PDGFC: variants seen among roughly 807,000 people sequenced by gnomAD.
PDGFC encodes platelet-derived growth factor C.
In PDGFC, 12 loss-of-function variants were observed where a neutral mutation model predicts 35.5. That is an observed-to-expected ratio of 0.34 (90% CI 0.22 to 0.55). The LOEUF is 0.55. Among genes scored for constraint, PDGFC ranks in the 20% least tolerant of loss-of-function variants. The pLI is 0.91. For missense variants in PDGFC, 322 were observed against 412.4 expected (o/e 0.78, Z 1.90); for synonymous variants, 159 against 148.8 (o/e 1.07, Z -0.50).
chr4:156,916,712 C>G (rs1328224166), intron 1 of PDGFC, among the ~76,000 whole-genome samples: 1 of 152,220 alleles, frequency 6.6e-6, no homozygotes, highest in Non-Finnish European at 1.5e-5. Flanking sequence ...AACACCTATA[C>G]TGTCAATTAA....
chr4:156,797,725 C>T (rs868078275), intron 3 of PDGFC, among the ~76,000 whole-genome samples: 24 of 152,208 alleles, frequency 1.6e-4, no homozygotes, highest in African/African-American at 4.8e-4. Flanking sequence ...ATGGGGCCCG[C>T]GAGCCATGGG....
At chr4:156,766,159 A>G (rs957731034) in intron 5 of PDGFC, among the ~76,000 whole-genome samples, 2 of 152,164 alleles carry the variant, frequency 1.3e-5, no homozygotes, top group Middle Eastern at 3.2e-3. Flanking sequence ...TTGAAATAGT[A>G]AAAGTTCTCT....
chr4:156,940,117 A>C (rs889655111), intron 1 of PDGFC, among the ~76,000 whole-genome samples: 2 of 152,160 alleles, frequency 1.3e-5, no homozygotes, highest in African/African-American at 4.8e-5. Flanking sequence ...ATATTTAAAG[A>C]ATCAAACTAC....
chr4:156,959,726 T>G (rs978947856), intron 1 of PDGFC, among the ~76,000 whole-genome samples: 2 of 152,036 alleles, frequency 1.3e-5, no homozygotes, highest in Non-Finnish European at 2.9e-5. Flanking sequence ...TCCAGAAGAT[T>G]TGCACCTCTG....
intron 3 of PDGFC, among the ~76,000 whole-genome samples, chr4:156,806,418 T>C (rs1731773367): frequency 6.6e-6 from 1 of 152,028 alleles, no homozygotes; most frequent in Admixed American, 6.6e-5. Context: ...TCAGAAACCT[T>C]AGACTAAGAG....
intron 1 of PDGFC, among the ~76,000 whole-genome samples, chr4:156,930,293 G>A (rs550419334): frequency 5.9e-5 from 9 of 152,332 alleles, no homozygotes; most frequent in African/African-American, 2.2e-4. Flanking sequence ...AGTGGGAAGA[G>A]CATGTGCAAA....
At chr4:156,885,385 T>A (rs779585610) in intron 1 of PDGFC, among the ~76,000 whole-genome samples, 1 of 152,194 alleles carries the variant, frequency 6.6e-6, no homozygotes, top group Non-Finnish European at 1.5e-5. Flanking sequence ...CACTGATCAA[T>A]GAAAATGAAA....
intron 3 of PDGFC, among the ~76,000 whole-genome samples, chr4:156,786,796 G>A (rs1731139442): frequency 6.6e-6 from 1 of 152,184 alleles, no homozygotes; most frequent in African/African-American, 2.4e-5. Context: ...AGGCAATCCT[G>A]TGTTTTCATT....
chr4:156,763,270 A>G, intron 5 of PDGFC, 64 bp from the exon 6 acceptor site: 1 of 809,150 alleles, frequency 1.2e-6, no homozygotes, highest in Admixed American at 1.7e-5. Context: ...GGCTTTTATA[A>G]ACAAGTAACG....
chr4:156,859,389 G>A (rs1729656064), intron 1 of PDGFC, among the ~76,000 whole-genome samples: 1 of 152,034 alleles, frequency 6.6e-6, no homozygotes, highest in African/African-American at 2.4e-5. Flanking sequence ...TACAAATCAT[G>A]TCCTTCTATC....
At chr4:156,781,977 A>G (rs1342424149) in intron 3 of PDGFC, among the ~76,000 whole-genome samples, 1 of 152,166 alleles carries the variant, frequency 6.6e-6, no homozygotes, top group Non-Finnish European at 1.5e-5. Flanking sequence ...CTCATGATTG[A>G]TGTTGGTCTG....
intron 1 of PDGFC, among the ~76,000 whole-genome samples, chr4:156,851,809 T>TA (rs1392020517): frequency 6.6e-6 from 1 of 151,502 alleles, no homozygotes; most frequent in African/African-American, 2.4e-5. Context: ...CGGGCGCCTG[T>TA]AGTCCCTGCT....
chr4:156,764,453 C>T (rs936799071), intron 5 of PDGFC, among the ~76,000 whole-genome samples: 2 of 152,126 alleles, frequency 1.3e-5, no homozygotes, highest in African/African-American at 2.4e-5. Flanking sequence ...GAGGCTTAGA[C>T]AGAGTAAGTG....
intron 2 of PDGFC, among the ~76,000 whole-genome samples, chr4:156,816,413 T>C (rs997439154): frequency 1.3e-5 from 2 of 152,178 alleles, no homozygotes; most frequent in African/African-American, 4.8e-5. Flanking sequence ...AATAGAAGTA[T>C]TAGATTACCA....
intron 1 of PDGFC, among the ~76,000 whole-genome samples, chr4:156,940,375 A>T (rs961118788): frequency 6.6e-6 from 1 of 152,166 alleles, no homozygotes; most frequent in Non-Finnish European, 1.5e-5. Context: ...TATATATTCA[A>T]CACTCTGGAC....
chr4:156,904,014 A>C (rs1378714607), intron 1 of PDGFC, among the ~76,000 whole-genome samples: 1 of 152,086 alleles, frequency 6.6e-6, no homozygotes. Flanking sequence ...TTCCCTGTAA[A>C]TTTAAAACCA....
At chr4:156,846,452 T>C (rs1412190957) in intron 2 of PDGFC, among the ~76,000 whole-genome samples, 3 of 151,732 alleles carry the variant, frequency 2.0e-5, no homozygotes, top group African/African-American at 4.8e-5. Context: ...AGACAGTCTG[T>C]AGAATGGTCA....
chr4:156,935,088 T>G (rs1320588482), intron 1 of PDGFC, among the ~76,000 whole-genome samples: 2 of 152,170 alleles, frequency 1.3e-5, no homozygotes, highest in Non-Finnish European at 2.9e-5. Flanking sequence ...CTCTGCTTCC[T>G]GGGTTCAAGC....
intron 2 of PDGFC, among the ~76,000 whole-genome samples, chr4:156,820,258 T>G (rs190744006): frequency 2.6e-5 from 4 of 152,182 alleles, no homozygotes; most frequent in African/African-American, 4.8e-5. Flanking sequence ...TGACCTACAA[T>G]TGCAAAAGAA....
Sources: allele counts gnomAD v4.1 joint callset (sites outside exome capture counted in the v4.1 genomes callset), GRCh38; gene constraint gnomAD v4.1.1; transcripts MANE v1.5; gene names NCBI Gene and HGNC (gene_info 2026-07-23, HGNC 2026-07-21).